The following DMD variants were observed in gnomAD, a reference collection of about 807,000 sequenced individuals.
DMD encodes the protein dystrophin.
In DMD, 63 loss-of-function variants were observed where a neutral mutation model predicts 330.1. The observed-to-expected ratio is 0.19, with a 90% CI of 0.16 to 0.24. The LOEUF (loss-of-function observed/expected upper bound fraction) is 0.24, where lower values mean the gene tolerates loss of function less well. Ranked by LOEUF, DMD falls within the 10% of genes least tolerant of loss-of-function variation. The pLI, the probability that DMD is intolerant of heterozygous loss-of-function variation, is 1.00. For synonymous variants in DMD, 1,223 were observed against 959.8 expected, an observed-to-expected ratio of 1.27 and a Z score of -5.07; for missense variants, 3,344 against 2,684.1, an observed-to-expected ratio of 1.25 and a Z score of -5.43.
chrX:32,129,098 T>C (rs997671583), intron 44 of DMD, among the ~76,000 whole-genome samples: 2 of 111,781 alleles, frequency 1.8e-5, no homozygotes, highest in African/African-American at 6.5e-5. Context: ...CTTTTCCTCA[T>C]CTTTTCCATA....
chrX:31,398,914 G>T (rs1335320830), intron 60 of DMD, among the ~76,000 whole-genome samples: 1 of 111,960 alleles, frequency 8.9e-6, no homozygotes, highest in African/African-American at 3.2e-5. Flanking sequence ...ATGGAAGGGG[G>T]AGCACAGGTG....
At chrX:32,031,143 A>G (rs2095879631) in intron 44 of DMD, among the ~76,000 whole-genome samples, 1 of 110,695 alleles carries the variant, frequency 9.0e-6, no homozygotes, top group Non-Finnish European at 1.9e-5. Context: ...AAGTTCAATC[A>G]GGGGGTCCTG....
intron 18 of DMD, among the ~76,000 whole-genome samples, chrX:32,514,871 C>A: frequency 8.9e-6 from 1 of 112,222 alleles, no homozygotes; most frequent in Non-Finnish European, 1.9e-5. Flanking sequence ...GCAGGAGAGC[C>A]CACAGGGATG....
In DMD at chrX:32,452,322, TGAAAGTGAAAGTGAAAGG is replaced by T. The variant is rs1328611073; in HGVS notation, c.3603+2322_3603+2339del. ...AGGAAAGGGAAAGTGAAAGTGAAAGTGAAAGTGAAAGTGAAAGGGAAAGGGAAAGGGAAAGGGAAAGGG... is the reference window on the plus strand; with the variant it reads ...AGGAAAGGGAAAGTGAAAGTGAAAGTGAAAGGGAAAGGGAAAGGGAAAGGG... On this transcript the variant is annotated intron_variant, in intron 26 of 78. Transcript: ENST00000357033. 8.5e-3 allele frequency among the ~76,000 whole-genome samples: 95 copies of T among 11,177 alleles called. 10 individuals carry two copies. Among genetic ancestry groups the T allele is most frequent in the African/African-American group, 0.039 (85 of 2,159 alleles). The allele number at this position is 11,177 out of a possible 115,157, so 9.7% of individuals were successfully genotyped here.
chrX:33,333,195 T>G (rs1289014090), intron 1 of DMD, among the ~76,000 whole-genome samples: 1 of 111,562 alleles, frequency 9.0e-6, no homozygotes, highest in East Asian at 2.8e-4. Context: ...ATTGACTAGA[T>G]GGTTAAAAAA....
intron 7 of DMD, among the ~76,000 whole-genome samples, chrX:32,721,320 C>A (rs1308994572): frequency 9.0e-6 from 1 of 110,568 alleles, no homozygotes; most frequent in African/African-American, 3.3e-5. Context: ...TTTACACCGA[C>A]ACCAGCAGTA....
At chrX:32,871,269 C>T (rs1030899022) in intron 2 of DMD, among the ~76,000 whole-genome samples, 23 of 110,968 alleles carry the variant, frequency 2.1e-4, no homozygotes, top group African/African-American at 6.9e-4. Flanking sequence ...TGCCCTCAGT[C>T]TCAGCTATTC....
At chrX:31,997,592 C>A (rs1291725258) in intron 44 of DMD, among the ~76,000 whole-genome samples, 1 of 110,164 alleles carries the variant, frequency 9.1e-6, no homozygotes, top group African/African-American at 3.3e-5. Flanking sequence ...TTATATATTT[C>A]TAGAATAAAG....
At chrX:32,450,546 C>T (rs920658950) in intron 26 of DMD, among the ~76,000 whole-genome samples, 8 of 110,268 alleles carry the variant, frequency 7.3e-5, no homozygotes, top group African/African-American at 2.3e-4. Flanking sequence ...GTGTTCTGTG[C>T]CAGCCATGTC....
At chrX:31,246,269 A>G (rs943152423) in intron 63 of DMD, among the ~76,000 whole-genome samples, 1 of 112,135 alleles carries the variant, frequency 8.9e-6, no homozygotes, top group Non-Finnish European at 1.9e-5. Flanking sequence ...AAGCTGCAGA[A>G]GAAAAGTTGG....
At chrX:32,451,328 G>A (rs2098329068) in intron 26 of DMD, among the ~76,000 whole-genome samples, 1 of 110,871 alleles carries the variant, frequency 9.0e-6, no homozygotes, top group Non-Finnish European at 1.9e-5. Context: ...AAATTTATTT[G>A]TGTATTTACT....
At chrX:33,215,491 T>C (rs1022602280), upstream of DMD, among the ~76,000 whole-genome samples, 6 of 111,802 alleles carry the variant, frequency 5.4e-5, no homozygotes, top group African/African-American at 2.0e-4. Flanking sequence ...ACTTTGTTGA[T>C]GTTTCTTTTG....
At chrX:32,516,828 CT>C (rs761779507) in intron 18 of DMD, 1 of 111,409 alleles carries the variant, frequency 9.0e-6, no homozygotes, top group Admixed American at 9.5e-5. Flanking sequence ...TATATATTAT[CT>C]TTCAGTTTTC....
At chrX:31,900,993 C>A (rs185764861) in intron 47 of DMD, among the ~76,000 whole-genome samples, 1 of 111,633 alleles carries the variant, frequency 9.0e-6, no homozygotes, top group East Asian at 2.8e-4. Context: ...GGAAAGGTTA[C>A]GCTACCCATG....
chrX:32,866,969 C>T (rs1319541442), intron 2 of DMD, among the ~76,000 whole-genome samples: 3 of 111,325 alleles, frequency 2.7e-5, no homozygotes, highest in Non-Finnish European at 5.7e-5. Context: ...CTCCTGACCT[C>T]GTGATCCGCC....
chrX:31,149,835 A>T (rs989086074), intron 74 of DMD, among the ~76,000 whole-genome samples: 1 of 111,838 alleles, frequency 8.9e-6, no homozygotes, highest in African/African-American at 3.2e-5. Flanking sequence ...CTTAACCCAT[A>T]GTCATTTAGG....
At chrX:33,292,678 T>C (rs1355828979) in intron 1 of DMD, among the ~76,000 whole-genome samples, 1 of 109,501 alleles carries the variant, frequency 9.1e-6, no homozygotes, top group South Asian at 3.9e-4. Flanking sequence ...GATATATAGA[T>C]GAAGAAAAAA....
At chrX:32,106,401 C>T (rs2096564050) in intron 44 of DMD, among the ~76,000 whole-genome samples, 2 of 111,394 alleles carry the variant, frequency 1.8e-5, no homozygotes, top group African/African-American at 6.5e-5. Flanking sequence ...AAGGGTAATG[C>T]AAAGTGAAAC....
chrX:32,034,243 C>T (rs1921371), intron 44 of DMD, among the ~76,000 whole-genome samples: 53,989 of 110,546 alleles, frequency 0.49, 9,512 homozygotes, highest in Admixed American at 0.58. Context: ...CTAAGCTCAA[C>T]AATTAAATTG....
Sources: gnomAD v4.1 joint callset for allele counts (sites outside exome capture counted in the v4.1 genomes callset) on GRCh38, gnomAD v4.1.1 for gene constraint, MANE v1.5 for transcripts, NCBI Gene and HGNC (gene_info 2026-07-23, HGNC 2026-07-21) for gene names.